DCUN1D1: variants seen among roughly 807,000 people sequenced by gnomAD.
DCUN1D1 encodes the protein DCN1-like protein 1.
In DCUN1D1, 3 loss-of-function variants were observed where a neutral mutation model predicts 39.0. The observed-to-expected ratio is 0.08, with a 90% confidence interval of 0.04 to 0.20. DCUN1D1 has a LOEUF of 0.20. Ranked by LOEUF, DCUN1D1 falls within the 10% of genes least tolerant of loss-of-function variation. The probability of loss-of-function intolerance (pLI) is 1.00; values close to 1 mark genes in which losing one functional copy is unlikely to be tolerated. For missense variants in DCUN1D1, 158 were observed against 302.4 expected, an observed-to-expected ratio of 0.52 and a Z score of 3.54; for synonymous variants, 82 against 96.3, an observed-to-expected ratio of 0.85 and a Z score of 0.87.
chr3:182,970,162 G>T (rs1727859929), intron 1 of DCUN1D1, among the ~76,000 whole-genome samples: 1 of 152,052 alleles, frequency 6.6e-6, no homozygotes, highest in Non-Finnish European at 1.5e-5. Flanking sequence ...GGAGGCTGAG[G>T]TGGGAAGATG....
upstream of DCUN1D1, among the ~76,000 whole-genome samples, chr3:182,984,605 C>T (rs1328548682): frequency 6.6e-6 from 1 of 151,960 alleles, no homozygotes; most frequent in Non-Finnish European, 1.5e-5. Context: ...ACCCCACCAC[C>T]CCCAACACAT....
At chr3:182,980,271 T>C in intron 1 of DCUN1D1, 1 of 307,498 alleles carries the variant, frequency 3.3e-6, no homozygotes, top group Non-Finnish European at 4.8e-6. Flanking sequence ...CCGCTCCGCC[T>C]CCTCGGCTCT....
chr3:182,974,823 A>G lies in DCUN1D1; in HGVS notation c.3+5664T>C, dbSNP rs578017586. The stretch of plus-strand genomic sequence containing the variant: ...AGCAGCCTAATCACTCTCAGTGACT[A>G]GGTACTAATTATATAAAACAAATTC... On this transcript the variant is annotated intron_variant, in intron 1 of 6. Coordinates refer to ENST00000292782, the MANE Select transcript of DCUN1D1 (RefSeq NM_020640.4). Among the ~76,000 whole-genome samples, 6 of 151,264 alleles carry G rather than the reference A, an allele frequency of 4.0e-5. No individual in the cohort carries two copies. In the South Asian group the frequency reaches 1.2e-3, roughly 31 times the overall value.
intron 4 of DCUN1D1, among the ~76,000 whole-genome samples, chr3:182,952,169 T>C (rs1726788574): frequency 6.6e-6 from 1 of 152,190 alleles, no homozygotes; most frequent in South Asian, 2.1e-4. Context: ...CTCTGCCTTA[T>C]CTTAGAGAAC....
intron 2 of DCUN1D1, among the ~76,000 whole-genome samples, chr3:182,964,517 A>G (rs907440081): frequency 6.6e-6 from 1 of 152,190 alleles, no homozygotes; most frequent in Non-Finnish European, 1.5e-5. Flanking sequence ...CAATGTAAAT[A>G]TCTCTTGTTT....
chr3:182,965,391 A>C, intron 2 of DCUN1D1, 146 bp downstream of exon 2: 1 of 495,392 alleles, frequency 2.0e-6, no homozygotes, highest in Non-Finnish European at 3.6e-6. Flanking sequence ...TTTTCCTCAG[A>C]CCTCTTGAAA....
At chr3:182,972,161 T>C (rs1727977650) in intron 1 of DCUN1D1, among the ~76,000 whole-genome samples, 1 of 151,102 alleles carries the variant, frequency 6.6e-6, no homozygotes, top group Non-Finnish European at 1.5e-5. Context: ...TATAGTCCTG[T>C]CAGTCTATTT....
chr3:182,964,729 C>T (rs750039102), intron 2 of DCUN1D1, among the ~76,000 whole-genome samples: 23 of 150,652 alleles, frequency 1.5e-4, no homozygotes, highest in Non-Finnish European at 3.2e-4. Context: ...TAACCTCTGC[C>T]TCCCAGGTTC....
rs1415296196 is a variant in DCUN1D1, at chr3:182,942,398, C to T, written c.*2696G>A. ...AATTTCACTGCAGCTTTTATTGCCT[C>T]TGTTGGTAATATGACAGGGACTGTA... On this transcript the variant is annotated 3_prime_UTR_variant, in exon 7 of 7. Transcript: ENST00000292782. 1 of 152,060 alleles carries T rather than the reference C, an allele frequency of 6.6e-6. No individual in the cohort carries two copies. Among genetic ancestry groups the T allele is most frequent in the Non-Finnish European group, 1.5e-5 (1 of 67,990 alleles). The allele number at this position is 152,060 out of a possible 1,614,324, so 9.4% of individuals were successfully genotyped here.
chr3:182,976,270 C>CA (rs1276743194), intron 1 of DCUN1D1, among the ~76,000 whole-genome samples: 35 of 150,042 alleles, frequency 2.3e-4, no homozygotes, highest in Non-Finnish European at 3.0e-4. Flanking sequence ...CACTATGGAA[C>CA]AAAAAAAAAC....
At chr3:182,972,989 C>T (rs999116932) in intron 1 of DCUN1D1, among the ~76,000 whole-genome samples, 4 of 151,808 alleles carry the variant, frequency 2.6e-5, no homozygotes, top group Admixed American at 1.3e-4. Flanking sequence ...TTGTGGTGAG[C>T]GGAGATCACA....
intron 1 of DCUN1D1, among the ~76,000 whole-genome samples, chr3:182,975,353 T>C (rs113437448): frequency 6.6e-6 from 1 of 151,922 alleles, no homozygotes; most frequent in African/African-American, 2.4e-5. Flanking sequence ...ATTTTTTGTA[T>C]TTTTAGCAGA....
chr3:182,955,586 G>GA, intron 4 of DCUN1D1: 1 of 481,182 alleles, frequency 2.1e-6, no homozygotes, highest in Non-Finnish European at 4.1e-6. Flanking sequence ...ACTCCATCAG[G>GA]AGGGTTTTTT....
chr3:182,965,444 A>G (rs1727622622), intron 2 of DCUN1D1, 93 bp downstream of exon 2: 1 of 747,160 alleles, frequency 1.3e-6, no homozygotes, highest in Admixed American at 2.8e-5. Flanking sequence ...CATCCACCCA[A>G]TTTAAGTTAT....
At chr3:182,965,456 TATA>T (rs1423453241) in intron 2 of DCUN1D1, 78 bp downstream of exon 2, 1 of 834,938 alleles carries the variant, frequency 1.2e-6, no homozygotes, top group Admixed American at 2.6e-5. Context: ...TTAAGTTATA[TATA>T]GTATTTCATT....
chr3:182,976,444 T>TACACACACACACACACACAC (rs59465164), intron 1 of DCUN1D1, among the ~76,000 whole-genome samples: 1 of 140,684 alleles, frequency 7.1e-6, no homozygotes, highest in African/African-American at 2.7e-5. Flanking sequence ...TATACATACA[T>TACACACACACACACACACAC]ACACACACAC....
At chr3:182,957,103 T>A (rs143328138) in intron 4 of DCUN1D1, among the ~76,000 whole-genome samples, 8 of 152,204 alleles carry the variant, frequency 5.3e-5, no homozygotes. Context: ...AGAGCAATGA[T>A]AGAAGTAATA....
intron 1 of DCUN1D1, among the ~76,000 whole-genome samples, chr3:182,966,423 C>A (rs919034404): frequency 1.3e-5 from 2 of 151,302 alleles, no homozygotes; most frequent in African/African-American, 4.9e-5. Flanking sequence ...ATTTTTTTTT[C>A]TTTTTCCCCT....
At chr3:182,949,726 C>T (rs1726609697) in intron 4 of DCUN1D1, among the ~76,000 whole-genome samples, 1 of 151,970 alleles carries the variant, frequency 6.6e-6, no homozygotes, top group Non-Finnish European at 1.5e-5. Context: ...TAAAAACAAA[C>T]AACACAACAA....
Sources: allele counts gnomAD v4.1 joint callset (sites outside exome capture counted in the v4.1 genomes callset), GRCh38; gene constraint gnomAD v4.1.1; transcripts MANE v1.5; gene names NCBI Gene and HGNC (gene_info 2026-07-23, HGNC 2026-07-21).